Variants in RBMS1 observed in about 807,000 individuals in gnomAD.
RBMS1 encodes the protein RNA-binding motif, single-stranded-interacting protein 1.
Under a neutral mutation model 62.3 loss-of-function variants are expected in RBMS1, and 17 were observed. The observed-to-expected ratio is 0.27, with a 90% CI of 0.19 to 0.41. The LOEUF (loss-of-function observed/expected upper bound fraction) is 0.41, where lower values mean the gene tolerates loss of function less well. RBMS1 is among the 10% of genes least tolerant of loss of function. The pLI is 1.00. For missense variants in RBMS1, 334 were observed against 504.5 expected, an observed-to-expected ratio of 0.66 and a Z score of 3.24; for synonymous variants, 172 against 170.0, an observed-to-expected ratio of 1.01 and a Z score of -0.09.
intron 3 of RBMS1, among the ~76,000 whole-genome samples, chr2:160,315,994 C>T (rs1257522523): frequency 4.6e-5 from 7 of 152,062 alleles, no homozygotes; most frequent in Non-Finnish European, 8.8e-5. Context: ...TATATAAAGT[C>T]CTTTGATCTG....
rs538420509 is a variant in RBMS1 at position 160,272,248 on chromosome 2, C to T, written c.*2524G>A. 11 of 152,218 alleles carry T rather than the reference C, an allele frequency of 7.2e-5. No homozygotes were observed. Among genetic ancestry groups the T allele is most frequent in the African/African-American group, 2.2e-4 (9 of 41,532 alleles). 9.4% of individuals were successfully genotyped at this position (152,218 alleles called of 1,614,324 possible). The stretch of plus-strand genomic sequence containing the variant: ...TGTACAGTTCAAAAATGTCTTTTGG[C>T]GTTTAACAACAAGTCCTAGGAAAGA... On this transcript the variant is annotated 3_prime_UTR_variant, in exon 14 of 14. Transcript: ENST00000348849.
At chr2:160,356,517 C>G (rs1692811331) in intron 2 of RBMS1, among the ~76,000 whole-genome samples, 1 of 152,082 alleles carries the variant, frequency 6.6e-6, no homozygotes, top group African/African-American at 2.4e-5. Context: ...AGGCAGAAAG[C>G]ACAGTGGTTC....
intron 1 of RBMS1, chr2:160,407,970 G>A (rs1695851127): frequency 7.3e-6 from 7 of 955,804 alleles, no homozygotes; most frequent in South Asian, 4.8e-5. Context: ...AGGCCCACCC[G>A]CGCCTCCCCG....
At chr2:160,477,359 A>C (rs1001121459) in intron 1 of RBMS1, among the ~76,000 whole-genome samples, 1 of 151,336 alleles carries the variant, frequency 6.6e-6, no homozygotes, top group South Asian at 2.1e-4. Context: ...CAACAACAAC[A>C]AAAAAAAATT....
chr2:160,437,173 C>T (rs148962582), intron 1 of RBMS1, among the ~76,000 whole-genome samples: 3 of 152,122 alleles, frequency 2.0e-5, no homozygotes, highest in Non-Finnish European at 2.9e-5. Flanking sequence ...TCCCAAAGGC[C>T]GCCATCCCAG....
chr2:160,341,082 A>G (rs1005621076), intron 2 of RBMS1, among the ~76,000 whole-genome samples: 13 of 152,186 alleles, frequency 8.5e-5, no homozygotes, highest in African/African-American at 2.9e-4. Context: ...TTAAAAAAAT[A>G]TATGTTTGAG....
intron 1 of RBMS1, among the ~76,000 whole-genome samples, chr2:160,474,545 C>A (rs1469613289): frequency 1.3e-5 from 2 of 152,248 alleles, no homozygotes; most frequent in East Asian, 3.9e-4. Context: ...ATTCTTCAGT[C>A]GTGATGGTTG....
intron 1 of RBMS1, among the ~76,000 whole-genome samples, chr2:160,385,626 G>A (rs1232338191): frequency 6.6e-6 from 1 of 152,184 alleles, no homozygotes; most frequent in Admixed American, 6.5e-5. Flanking sequence ...CTTCCAGGAT[G>A]TGACGTGATG....
chr2:160,426,758 G>T (rs1331220987), intron 1 of RBMS1, among the ~76,000 whole-genome samples: 1 of 152,180 alleles, frequency 6.6e-6, no homozygotes, highest in Non-Finnish European at 1.5e-5. Flanking sequence ...CTCCAGATCT[G>T]TGCCGCCACC....
At position 160,311,234 on chromosome 2, in the gene RBMS1, A is replaced by ATATATCTATATATCTATATATC. The variant is rs1553505434; in HGVS notation, c.402+1921_402+1922insGATATATAGATATATAGATATA. ...AATCTATCTATCTATCTATCTATCTATATATATATATATATATATATATAG... is the reference window on the plus strand; with the variant it reads ...AATCTATCTATCTATCTATCTATCTATATATCTATATATCTATATATCTATATATATATATATATATATATAG... On this transcript the variant is annotated intron_variant, in intron 4 of 13. Transcript: ENST00000348849. Among the ~76,000 whole-genome samples the ATATATCTATATATCTATATATC allele has an allele frequency of 4.3e-3, 458 of 107,392 alleles. 8 individuals carry two copies. The highest frequency in any genetic ancestry group is 4.8e-3 in the Non-Finnish European group (237 of 49,694). The allele number at this position is 107,392 out of a possible 152,430, so 70.5% of individuals were successfully genotyped here. A position where few individuals can be genotyped will look rare whatever the true frequency, so the allele number is the denominator to read the frequency against.
chr2:160,355,713 G>A (rs1387378682), intron 2 of RBMS1, among the ~76,000 whole-genome samples: 1 of 152,022 alleles, frequency 6.6e-6, no homozygotes, highest in Non-Finnish European at 1.5e-5. Flanking sequence ...GGGTGGGGCT[G>A]CCTAGCTCAT....
chr2:160,437,416 A>G (rs937285522), intron 1 of RBMS1, among the ~76,000 whole-genome samples: 2 of 152,230 alleles, frequency 1.3e-5, no homozygotes, highest in African/African-American at 4.8e-5. Context: ...AAAGCAGTCT[A>G]CCTAATGCCT....
intron 9 of RBMS1, chr2:160,282,162 A>AAC: frequency 8.7e-7 from 1 of 1,152,190 alleles, no homozygotes; most frequent in Admixed American, 1.9e-5. Context: ...TTAACAACAA[A>AAC]ACCCTCCTGC....
chr2:160,344,363 T>C (rs62177275), intron 2 of RBMS1, among the ~76,000 whole-genome samples: 1 of 152,244 alleles, frequency 6.6e-6, no homozygotes, highest in South Asian at 2.1e-4. Context: ...CTGAGATACC[T>C]TCCGTGGAGC....
At chr2:160,435,273 C>G (rs1370229326) in intron 1 of RBMS1, among the ~76,000 whole-genome samples, 2 of 151,938 alleles carry the variant, frequency 1.3e-5, no homozygotes, top group East Asian at 3.8e-4. Context: ...ATTGGTATAC[C>G]AACAATTTTT....
At chr2:160,484,264 G>T (rs10176582) in intron 1 of RBMS1, among the ~76,000 whole-genome samples, 32,089 of 151,806 alleles carry the variant, frequency 0.21, 3,658 homozygotes, top group African/African-American at 0.3. Context: ...GGGAGGCCGA[G>T]GCGGGCAGAT....
At chr2:160,393,903 C>T (rs929264312) in intron 1 of RBMS1, among the ~76,000 whole-genome samples, 2 of 152,184 alleles carry the variant, frequency 1.3e-5, no homozygotes, top group Non-Finnish European at 2.9e-5. Context: ...ATGTCCTCAC[C>T]TCTAAAATAA....
rs546379762 is a variant in RBMS1, at chr2:160,361,838, T to C, written c.251+5378A>G. Among the ~76,000 whole-genome samples the C allele has an allele frequency of 8.3e-4, 127 of 152,234 alleles. 1 individual carries two copies. The Middle Eastern group carries it at 0.014, about 16-fold the overall frequency. ...AGTGAGACCCCAATCTCTTAAAAAA[T>C]ATTTTATTATAAAAAAGTGTTAACA... On this transcript the variant is annotated intron_variant, in intron 2 of 13. Transcript: ENST00000348849.
At chr2:160,385,053 C>T (rs1163887884) in intron 1 of RBMS1, among the ~76,000 whole-genome samples, 5 of 152,150 alleles carry the variant, frequency 3.3e-5, no homozygotes, top group Non-Finnish European at 5.9e-5. Context: ...TCTGCCATGA[C>T]TGTAAGCTCT....
Sources: gnomAD v4.1 joint callset for allele counts (sites outside exome capture counted in the v4.1 genomes callset) on GRCh38, gnomAD v4.1.1 for gene constraint, MANE v1.5 for transcripts, NCBI Gene and HGNC (gene_info 2026-07-23, HGNC 2026-07-21) for gene names.